Variants in CEP41 observed in about 807,000 individuals in gnomAD.
CEP41 encodes the protein centrosomal protein 41.
A neutral mutation model predicts 44.3 loss-of-function variants in CEP41; 32 were observed. The observed-to-expected ratio is 0.72, with a 90% CI of 0.54 to 0.97. The LOEUF is 0.97. Ranked by LOEUF, CEP41 falls within the 50% of genes least tolerant of loss-of-function variation. The pLI, the probability that CEP41 is intolerant of heterozygous loss-of-function variation, is 0.00. For missense variants in CEP41, 432 were observed against 455.2 expected, an observed-to-expected ratio of 0.95 and a Z score of 0.46; for synonymous variants, 151 against 168.5, an observed-to-expected ratio of 0.90 and a Z score of 0.80.
chr7:130,427,881 A>G (rs1797710253), intron 2 of CEP41, 74 bp downstream of exon 2: 2 of 938,836 alleles, frequency 2.1e-6, no homozygotes, highest in Non-Finnish European at 3.5e-6. Context: ...TTTATACCAG[A>G]TATGTGGGGT....
intron 10 of CEP41, 162 bp from the exon 11 acceptor site, chr7:130,399,201 C>T: frequency 2.5e-6 from 2 of 799,516 alleles, no homozygotes; most frequent in Admixed American, 2.2e-5. Flanking sequence ...TACTCCTCAT[C>T]CTTGAGATCA....
At chr7:130,431,837 T>C (rs1554425158) in intron 1 of CEP41, among the ~76,000 whole-genome samples, 1 of 152,190 alleles carries the variant, frequency 6.6e-6, no homozygotes, top group South Asian at 2.1e-4. Flanking sequence ...CTTGCATACA[T>C]GTTTAAAAAA....
At chr7:130,418,167 C>T (rs532349099) in intron 2 of CEP41, among the ~76,000 whole-genome samples, 20 of 152,134 alleles carry the variant, frequency 1.3e-4, no homozygotes, top group African/African-American at 4.8e-4. Flanking sequence ...GGATTCAGAG[C>T]AGGCCTGGAC....
rs200431830 is a variant in CEP41, at chr7:130,400,148, G to A, written c.864C>T (p.Ser288=). 1.9e-6 allele frequency: 3 copies of A among 1,613,642 alleles called. No homozygotes were observed. Among genetic ancestry groups the A allele is most frequent in the Admixed American group, 3.3e-5 (2 of 60,026 alleles). The change falls in exon 10 of 11, where the codon AGC becomes AGT. Residue 288 remains serine, a synonymous_variant. Coordinates refer to ENST00000223208, the MANE Select transcript of CEP41 (RefSeq NM_018718.3). ...LPPGSARKRS[S]PKGPPLPAEN... ...CAGCTGGTAGGGGTGGCCCTTTGGG[G>A]CTGGATCGTTTCCGGGCAGACCCAG...
At chr7:130,440,226 G>T (rs1359878425) in intron 1 of CEP41, among the ~76,000 whole-genome samples, 2 of 152,040 alleles carry the variant, frequency 1.3e-5, no homozygotes, top group Non-Finnish European at 2.9e-5. Context: ...TCGCCATGTT[G>T]GCCAGGCTGG....
chr7:130,426,010 G>A (rs1443529444), intron 2 of CEP41, among the ~76,000 whole-genome samples: 1 of 152,222 alleles, frequency 6.6e-6, no homozygotes, highest in Non-Finnish European at 1.5e-5. Flanking sequence ...GAAAGTGGGT[G>A]TGGTTATAAA....
chr7:130,404,584 G>A lies in CEP41; in HGVS notation c.402C>T (p.Ser134=). The A allele has an allele frequency of 6.2e-7, 1 of 1,613,974 alleles. No homozygotes were observed. The highest frequency in any genetic ancestry group is 2.2e-5 in the East Asian group (1 of 44,878). ...AGTACCTCTGAAGAGTTGAGCGGCT[G>A]GAGTCCCCTGCTCCTGCGTTGTTTA... ...QFINNAGAGD[S]SRSTLQSVIS... The change falls in exon 6 of 11, where the codon TCC becomes TCT. Residue 134 remains serine, a synonymous_variant. Transcript: ENST00000223208.
At chr7:130,409,916 T>C (rs1176875896) in intron 5 of CEP41, among the ~76,000 whole-genome samples, 1 of 152,126 alleles carries the variant, frequency 6.6e-6, no homozygotes, top group Non-Finnish European at 1.5e-5. Context: ...CTCCATGCCT[T>C]TCACAGGCTG....
At chr7:130,429,607 G>C (rs1341129416) in intron 1 of CEP41, among the ~76,000 whole-genome samples, 1 of 152,200 alleles carries the variant, frequency 6.6e-6, no homozygotes, top group African/African-American at 2.4e-5. Context: ...ATGTTCCCAT[G>C]TTGAAGTTGC....
At chr7:130,437,947 T>C (rs1798024718) in intron 1 of CEP41, among the ~76,000 whole-genome samples, 1 of 152,174 alleles carries the variant, frequency 6.6e-6, no homozygotes, top group Non-Finnish European at 1.5e-5. Context: ...AATTCTTTCT[T>C]AAGAAACTAC....
At chr7:130,415,888 G>A (rs1797321231) in intron 3 of CEP41, among the ~76,000 whole-genome samples, 1 of 152,122 alleles carries the variant, frequency 6.6e-6, no homozygotes. Context: ...AAAATGTTCA[G>A]GAAGAAAAGA....
chr7:130,431,161 T>C (rs1386862017), intron 1 of CEP41, among the ~76,000 whole-genome samples: 6 of 150,694 alleles, frequency 4.0e-5, no homozygotes, highest in African/African-American at 9.8e-5. Flanking sequence ...CCGAGCACCA[T>C]AGATTTTATG....
chr7:130,436,577 CTG>C (rs781824920), intron 1 of CEP41, among the ~76,000 whole-genome samples: 25,725 of 151,458 alleles, frequency 0.17, 2,273 homozygotes, highest in Middle Eastern at 0.24. Context: ...TGATACTGTA[CTG>C]TACTCATGTA....
At chr7:130,429,346 T>C (rs994712548) in intron 1 of CEP41, among the ~76,000 whole-genome samples, 1 of 152,170 alleles carries the variant, frequency 6.6e-6, no homozygotes, top group Non-Finnish European at 1.5e-5. Flanking sequence ...CAGGTCTCCT[T>C]TGTGCTGCTG....
intron 2 of CEP41, among the ~76,000 whole-genome samples, chr7:130,426,041 T>C (rs1797651453): frequency 6.6e-6 from 1 of 152,156 alleles, no homozygotes. Flanking sequence ...AAGGAATCCG[T>C]GTGGTGATGG....
intron 2 of CEP41, among the ~76,000 whole-genome samples, chr7:130,422,458 A>T (rs1400254108): frequency 1.3e-5 from 2 of 152,146 alleles, no homozygotes; most frequent in African/African-American, 4.8e-5. Context: ...TAAAATGTGG[A>T]TACAATGCTG....
chr7:130,398,992 C>T lies in CEP41; in HGVS notation c.1021G>A (p.Gly341Ser). The T allele has an allele frequency of 6.2e-7, 1 of 1,614,210 alleles. No homozygotes were observed. Among genetic ancestry groups the T allele is most frequent in the Non-Finnish European group, 8.5e-7 (1 of 1,180,050 alleles). The change falls in exon 11 of 11, where the codon GGT (glycine) becomes AGT (serine). Residue 341 changes from glycine (G) to serine (S), a missense_variant. Transcript: ENST00000223208. ...NSSGRESKVP[G>S]ARSAQNLPGG... ...GGCAGATTCTGAGCGCTTCGGGCAC[C>T]AGGCACCTTGGACTCTCTTCCGGAG...
intron 4 of CEP41, 55 bp downstream of exon 4, chr7:130,412,124 T>G (rs1286837399): frequency 1.1e-6 from 1 of 947,560 alleles, no homozygotes; most frequent in Non-Finnish European, 1.7e-6. Context: ...TAGAAATACA[T>G]AAAGTGGCAC....
chr7:130,396,933 A>G lies in CEP41; in HGVS notation c.*1958T>C. On this transcript the variant is annotated 3_prime_UTR_variant, in exon 11 of 11. Coordinates refer to ENST00000223208, the MANE Select transcript of CEP41 (RefSeq NM_018718.3). ...AACGCAGAATCGGAACAAGGAGGGA[A>G]GACCATTTACTTTCAAAATAGAATC... 2.2e-6 allele frequency: 1 copy of G among 453,462 alleles called. No individual in the cohort carries two copies. Among genetic ancestry groups the G allele is most frequent in the Non-Finnish European group, 4.4e-6 (1 of 226,408 alleles). 28.1% of individuals were successfully genotyped at this position (453,462 alleles called of 1,614,324 possible).
Sources: allele counts gnomAD v4.1 joint callset (sites outside exome capture counted in the v4.1 genomes callset), GRCh38; gene constraint gnomAD v4.1.1; transcripts MANE v1.5; gene names NCBI Gene and HGNC (gene_info 2026-07-23, HGNC 2026-07-21).